KLHL25: variants seen among roughly 807,000 people sequenced by gnomAD.
KLHL25 encodes the protein kelch-like protein 25.
KLHL25 carries 41 observed loss-of-function variants against 30.0 expected under a neutral mutation model. That is an observed-to-expected ratio of 1.37 (90% CI 1.07 to 1.78). The LOEUF is 1.78. Among genes scored for constraint, KLHL25 ranks in the 40% most tolerant of loss-of-function variants. KLHL25 has a pLI of 0.00. For missense variants in KLHL25, 971 were observed against 824.5 expected (o/e 1.18, Z -2.18); for synonymous variants, 399 against 355.3 (o/e 1.12, Z -1.38).
intron 2 of KLHL25, among the ~76,000 whole-genome samples, chr15:85,766,351 C>A (rs1354908576): frequency 6.6e-6 from 1 of 152,174 alleles, no homozygotes; most frequent in Non-Finnish European, 1.5e-5. Flanking sequence ...CAGCATGAGC[C>A]GGGAGAATGG....
chr15:85,769,295 G>A lies in KLHL25; in HGVS notation c.516C>T (p.Cys172=), dbSNP rs2089651113. 2 of 1,614,000 alleles carry A rather than the reference G, an allele frequency of 1.2e-6. No individual in the cohort carries two copies. Among genetic ancestry groups the A allele is most frequent in the Non-Finnish European group, 1.7e-6 (2 of 1,179,974 alleles). Residue 172 remains cysteine, a synonymous_variant, in exon 2 of 3, where the codon TGC becomes TGT. Coordinates refer to ENST00000337975, the MANE Select transcript of KLHL25 (RefSeq NM_022480.4). ...GCCTCACCGTCTCAAAGTGCACCAG[G>A]CACATGCGCCAGGAGAACTCATACA... is the stretch of plus-strand genomic sequence containing the variant. ...RRLYEFSWRM[C]LVHFETVRQS... is the part of the protein sequence containing the mutation.
intron 1 of KLHL25, among the ~76,000 whole-genome samples, chr15:85,776,005 C>T (rs1298355214): frequency 6.6e-6 from 1 of 151,396 alleles, no homozygotes; most frequent in East Asian, 1.9e-4. Flanking sequence ...AACCCCGTCT[C>T]TACTAAAAAT....
At chr15:85,782,689 C>A (rs946484029) in intron 1 of KLHL25, among the ~76,000 whole-genome samples, 1 of 152,154 alleles carries the variant, frequency 6.6e-6, no homozygotes, top group Non-Finnish European at 1.5e-5. Flanking sequence ...ATCTGAGCAC[C>A]TACAATGTGG....
At position 85,785,094 on chromosome 15, in the gene KLHL25, CTTTTTT is replaced by C. The variant is rs11419946; in HGVS notation, c.-11+9666_-11+9671del. Among the ~76,000 whole-genome samples, 23 of 142,306 alleles carry C rather than the reference CTTTTTT, an allele frequency of 1.6e-4. No individual in the cohort carries two copies. In the South Asian group the frequency reaches 4.0e-3, roughly 25 times the overall value. The allele number at this position is 142,306 out of a possible 152,430, so 93.4% of individuals were successfully genotyped here. On this transcript the variant is annotated intron_variant, in intron 1 of 2. Coordinates refer to ENST00000337975, the MANE Select transcript of KLHL25 (RefSeq NM_022480.4). ...GCAGAGACTGATGTATTTCTTTTTT[CTTTTTT>C]TTTTTTTTTCTGAGACAGTGTCTCT...
In KLHL25 at chr15:85,791,128, G is replaced by A. The variant is rs189509513; in HGVS notation, c.-11+3638C>T. Among the ~76,000 whole-genome samples the A allele has an allele frequency of 5.2e-3, 772 of 147,586 alleles. 5 individuals carry two copies. Among genetic ancestry groups the A allele is most frequent in the Non-Finnish European group, 8.3e-3 (561 of 67,326 alleles). On this transcript the variant is annotated intron_variant, in intron 1 of 2. Coordinates refer to ENST00000337975, the MANE Select transcript of KLHL25 (RefSeq NM_022480.4). ...AGACAACTGGTTGACTTGAGAGGTG[G>A]AGATTGCAGTGAGCTGAGATCACAC... is the stretch of plus-strand genomic sequence containing the variant.
rs1463486234 is a variant in KLHL25, at chr15:85,771,970, C to T, written c.-10-2150G>A. On this transcript the variant is annotated intron_variant, in intron 1 of 2. Transcript: ENST00000337975. ...GGGAAGCTTTGCCAACAGCCTGGCC[C>T]GTGACTGATCGGAATTGCCTAATCT... is the stretch of plus-strand genomic sequence containing the variant. Among the ~76,000 whole-genome samples the T allele has an allele frequency of 3.9e-5, 6 of 152,288 alleles. No homozygotes were observed. In the South Asian group the frequency reaches 1.0e-3, roughly 26 times the overall value.
chr15:85,784,436 CAGA>C (rs1246088625), intron 1 of KLHL25, among the ~76,000 whole-genome samples: 3 of 152,114 alleles, frequency 2.0e-5, no homozygotes, highest in Non-Finnish European at 4.4e-5. Flanking sequence ...GAGGCTGAGG[CAGA>C]AGAATTGCTT....
At chr15:85,790,778 C>A (rs1011700348) in intron 1 of KLHL25, among the ~76,000 whole-genome samples, 3 of 151,936 alleles carry the variant, frequency 2.0e-5, no homozygotes, top group Non-Finnish European at 4.4e-5. Context: ...AGACTCTGTA[C>A]CCAACTCAGG....
intron 2 of KLHL25, among the ~76,000 whole-genome samples, chr15:85,765,578 A>G (rs1270497144): frequency 6.6e-6 from 1 of 150,850 alleles, no homozygotes. Flanking sequence ...GTGAGCAGAG[A>G]TCGCACCATT....
chr15:85,790,816 T>C (rs538928698), intron 1 of KLHL25, among the ~76,000 whole-genome samples: 1 of 151,580 alleles, frequency 6.6e-6, no homozygotes, highest in Non-Finnish European at 1.5e-5. Context: ...GGGAGAAAAG[T>C]ATGACCAGGA....
At chr15:85,767,947 G>C (rs1446414038) in intron 2 of KLHL25, 70 bp downstream of exon 2, 4 of 1,005,094 alleles carry the variant, frequency 4.0e-6, no homozygotes, top group East Asian at 2.6e-5. Flanking sequence ...CACCCAGTGG[G>C]AAGAGGTGGG....
rs1485714373 is a variant in KLHL25 at position 85,789,106 on chromosome 15, G to A, written c.-11+5660C>T. Reference sequence around the variant, plus strand: ...ATCTGTGGTCAGCCTCTCCTTGGGGGCCCAATGGGAACAGGCAAAAAATGT... The same window carrying A: ...ATCTGTGGTCAGCCTCTCCTTGGGGACCCAATGGGAACAGGCAAAAAATGT... On this transcript the variant is annotated intron_variant, in intron 1 of 2. Coordinates refer to ENST00000337975, the MANE Select transcript of KLHL25 (RefSeq NM_022480.4). This position sits in a 1 kb window ranked among gnomAD's most constrained non-coding sequence, Gnocchi z 4.1. 6.6e-6 allele frequency among the ~76,000 whole-genome samples: 1 copy of A among 152,190 alleles called. No individual in the cohort carries two copies. Among genetic ancestry groups the A allele is most frequent in the Non-Finnish European group, 1.5e-5 (1 of 68,028 alleles).
intron 1 of KLHL25, among the ~76,000 whole-genome samples, chr15:85,790,884 A>C (rs1424764192): frequency 6.7e-6 from 1 of 150,048 alleles, no homozygotes; most frequent in Non-Finnish European, 1.5e-5. Flanking sequence ...TTGATTTCTG[A>C]GACCACAGAG....
intron 1 of KLHL25, among the ~76,000 whole-genome samples, chr15:85,782,555 A>G (rs543272072): frequency 3.9e-4 from 49 of 126,018 alleles, no homozygotes; most frequent in Non-Finnish European, 7.3e-4. Flanking sequence ...TCAGCCCCAC[A>G]CCCTCACCTC....
chr15:85,762,179 G>A (rs1186189409), intron 2 of KLHL25: 2 of 152,300 alleles, frequency 1.3e-5, no homozygotes, highest in Admixed American at 6.5e-5. Flanking sequence ...GGGGTCACAG[G>A]GGCCCTAACC....
intron 1 of KLHL25, among the ~76,000 whole-genome samples, chr15:85,793,254 C>G (rs1181249361): frequency 6.6e-6 from 1 of 152,212 alleles, no homozygotes; most frequent in Non-Finnish European, 1.5e-5. Context: ...TCTCTCCGCA[C>G]CACATACATA....
Position 85,769,619 on chromosome 15 carries a change from C to T in KLHL25, c.192G>A (p.Leu64=), listed in dbSNP as rs1046946487. 1.2e-6 allele frequency: 2 copies of T among 1,613,260 alleles called. No homozygotes were observed. The highest frequency in any genetic ancestry group is 2.2e-5 in the East Asian group (1 of 44,886). Residue 64 remains leucine, a synonymous_variant, in exon 2 of 3, where the codon CTG becomes CTA. Transcript: ENST00000337975. The stretch of plus-strand genomic sequence containing the variant: ...CCTCAAAATAGCGGCTAGAGGCGGC[C>T]AGCACGGCACGGTGACAGGGGAAGG... The part of the protein sequence containing the change: ...DRAFPCHRAV[L]AASSRYFEAM...
chr15:85,771,560 T>G (rs577541119), intron 1 of KLHL25, among the ~76,000 whole-genome samples: 1 of 152,338 alleles, frequency 6.6e-6, no homozygotes, highest in South Asian at 2.1e-4. Context: ...GCTAGCAAGG[T>G]CCCTGCTTTT....
At chr15:85,774,880 C>CTTTT (rs71141486) in intron 1 of KLHL25, among the ~76,000 whole-genome samples, 1 of 140,448 alleles carries the variant, frequency 7.1e-6, no homozygotes, top group Non-Finnish European at 1.5e-5. Context: ...TTTTTCTTTT[C>CTTTT]TTTTTTTTTT....
Sources: gnomAD v4.1 joint callset for allele counts (sites outside exome capture counted in the v4.1 genomes callset) on GRCh38, gnomAD v4.1.1 for gene constraint, Gnocchi (gnomAD v3.1) non-coding constraint, MANE v1.5 for transcripts, NCBI Gene and HGNC (gene_info 2026-07-23, HGNC 2026-07-21) for gene names.